Variants in MDM1 observed in about 807,000 individuals in gnomAD.
MDM1 encodes the protein stabilizer of axonemal microtubules 6.
MDM1 carries 61 observed loss-of-function variants against 89.1 expected under a neutral mutation model. That is an observed-to-expected ratio of 0.68 (90% CI 0.56 to 0.85). MDM1 has a LOEUF of 0.85. Ranked by LOEUF, MDM1 falls within the 40% of genes least tolerant of loss-of-function variation. The probability of loss-of-function intolerance (pLI) is 0.00; values close to 1 mark genes in which losing one functional copy is unlikely to be tolerated. For synonymous variants in MDM1, 290 were observed against 294.1 expected, an observed-to-expected ratio of 0.99 and a Z score of 0.14; for missense variants, 820 against 846.5, an observed-to-expected ratio of 0.97 and a Z score of 0.39.
chr12:68,298,190 G>C (rs925518220), intron 13 of MDM1, among the ~76,000 whole-genome samples: 2 of 152,150 alleles, frequency 1.3e-5, no homozygotes, highest in African/African-American at 4.8e-5. Context: ...ACCAGTGCCT[G>C]ACCTCAGCTA....
At chr12:68,314,911 T>C (rs1702110288) in intron 10 of MDM1, 37 bp downstream of exon 10, 1 of 1,516,172 alleles carries the variant, frequency 6.6e-7, no homozygotes, top group Non-Finnish European at 9.1e-7. Context: ...ACCATGTAAA[T>C]AACGCTTCTC....
chr12:68,320,725 G>C (rs1875111186), intron 7 of MDM1, among the ~76,000 whole-genome samples: 1 of 152,184 alleles, frequency 6.6e-6, no homozygotes, highest in Non-Finnish European at 1.5e-5. Context: ...AAAAAGTCAA[G>C]ATATGATTTG....
chr12:68,302,920 T>G, intron 12 of MDM1, 48 bp from the exon 13 acceptor site: 7 of 1,481,816 alleles, frequency 4.7e-6, no homozygotes, highest in Non-Finnish European at 6.3e-6. Flanking sequence ...TGTGTAGATA[T>G]GTAAATAAAT....
rs115744777 is a variant in MDM1, at chr12:68,317,855, A to C, written c.1006-1245T>G. Among the ~76,000 whole-genome samples the C allele has an allele frequency of 1.3e-3, 192 of 152,280 alleles. 2 individuals carry two copies. The highest frequency in any genetic ancestry group is 4.4e-3 in the African/African-American group (184 of 41,550). On this transcript the variant is annotated intron_variant, in intron 7 of 14. Transcript: ENST00000682720. ...GATTTTATTGCCAGTAAGTGCCCCC[A>C]TGCTTCAAATGTTTCAGGGCCACTC...
At chr12:68,331,339 C>A (rs1441615348) in intron 1 of MDM1, 118 bp from the exon 2 acceptor site, 1 of 696,376 alleles carries the variant, frequency 1.4e-6, no homozygotes, top group Non-Finnish European at 2.6e-6. Context: ...GAAAATTAAA[C>A]ACAGACGAGC....
intron 13 of MDM1, 133 bp downstream of exon 13, chr12:68,302,487 A>G: frequency 1.2e-6 from 1 of 851,932 alleles, no homozygotes; most frequent in Non-Finnish European, 1.7e-6. Flanking sequence ...TCCTATTTAA[A>G]GAAATTTTAT....
At chr12:68,331,469 C>T (rs1427934548) in intron 1 of MDM1, among the ~76,000 whole-genome samples, 4 of 152,178 alleles carry the variant, frequency 2.6e-5, no homozygotes, top group Non-Finnish European at 5.9e-5. Flanking sequence ...TCAGAGGTTA[C>T]CCTTTCACTG....
Position 68,314,962 on chromosome 12 carries a change from A to G in MDM1, c.1515T>C (p.Asp505=). ...AAAACTCTCACCCTTCTTTCATCTT[A>G]TCTGCCTTAGATTTCTCACGTACAT... is the stretch of plus-strand genomic sequence containing the variant. The part of the protein sequence containing the change: ...KLDVREKSKA[D]KMKEGSDSSV... The change falls in exon 10 of 15, where the codon GAT becomes GAC. Residue 505 remains aspartate, a synonymous_variant. Transcript: ENST00000682720. The G allele has an allele frequency of 6.2e-7, 1 of 1,613,480 alleles. No individual in the cohort carries two copies. Among genetic ancestry groups the G allele is most frequent in the Non-Finnish European group, 8.5e-7 (1 of 1,179,550 alleles).
intron 1 of MDM1, chr12:68,331,927 T>G: frequency 1.5e-6 from 1 of 669,018 alleles, no homozygotes. Flanking sequence ...GAAGTCGCCT[T>G]TAGTTCTCTT....
chr12:68,325,167 C>T, intron 4 of MDM1: 1 of 1,058,264 alleles, frequency 9.4e-7, no homozygotes, highest in Non-Finnish European at 1.1e-6. Flanking sequence ...CATGCAAAAA[C>T]TTACCAGTTC....
chr12:68,300,580 T>C (rs1349955535), intron 13 of MDM1, among the ~76,000 whole-genome samples: 2 of 152,146 alleles, frequency 1.3e-5, no homozygotes, highest in Admixed American at 6.5e-5. Context: ...CATATAACGA[T>C]AAAAAGGTCA....
chr12:68,302,705 C>CAACT lies in MDM1; in HGVS notation c.1913_1916dup (p.Pro640ValfsTer22). The CAACT allele has an allele frequency of 6.2e-7, 1 of 1,613,916 alleles. No homozygotes were observed. Among genetic ancestry groups the CAACT allele is most frequent in the South Asian group, 1.1e-5 (1 of 91,068 alleles). ...AGGATGGAACATGTGGTGGAGAAGG[C>CAACT]AACTGTCCAGGGGGATTTGTTGGGT... On this transcript the variant is annotated frameshift_variant, in exon 13 of 15. Transcript: ENST00000682720. LOFTEE classifies it high-confidence loss of function.
intron 13 of MDM1, among the ~76,000 whole-genome samples, chr12:68,297,623 A>G (rs554558736): frequency 6.6e-6 from 1 of 152,178 alleles, no homozygotes; most frequent in Non-Finnish European, 1.5e-5. Context: ...GTCCTCCTTT[A>G]AATTTGCACA....
At chr12:68,299,953 T>G (rs1871921027) in intron 13 of MDM1, among the ~76,000 whole-genome samples, 1 of 152,102 alleles carries the variant, frequency 6.6e-6, no homozygotes. Flanking sequence ...TCAGGTAACT[T>G]ACAAAAGAAA....
chr12:68,302,901 A>G, intron 12 of MDM1, 29 bp from the exon 13 acceptor site: 1 of 1,427,676 alleles, frequency 7.0e-7, no homozygotes, highest in Non-Finnish European at 9.5e-7. Context: ...AAAAAAAAAA[A>G]GATGCCTATG....
rs777063198 is a variant in MDM1, at chr12:68,295,213, T to C, written c.*41A>G. On this transcript the variant is annotated 3_prime_UTR_variant, in exon 15 of 15. Transcript: ENST00000682720. ...TAACACAGTAAGCAATAAAGAAAAA[T>C]TATGCCAATGTTTCCTTAGATAAAG... 1 of 1,352,484 alleles carries C rather than the reference T, an allele frequency of 7.4e-7. No homozygotes were observed. Among genetic ancestry groups the C allele is most frequent in the Non-Finnish European group, 1.0e-6 (1 of 971,630 alleles). 83.8% of individuals were successfully genotyped at this position (1,352,484 alleles called of 1,614,324 possible). A position where few individuals can be genotyped will look rare whatever the true frequency, so the allele number is the denominator to read the frequency against.
At position 68,326,773 on chromosome 12, in the gene MDM1, C is replaced by G. The variant is rs1876052102; in HGVS notation, c.382G>C (p.Ala128Pro). Residue 128 changes from alanine (A) to proline (P), a missense_variant, in exon 3 of 15, where the codon GCT becomes CCT. Coordinates refer to ENST00000682720, the MANE Select transcript of MDM1 (RefSeq NM_001354969.2). ...TTTTCCACATCTGAAGCCCCTTCAG[C>G]TCTGGAGTCTGCAGAGTGAGATCTG... ...RTRSHSADSRAEGASDVENNE... is the reference protein window; with the variant it reads ...RTRSHSADSRPEGASDVENNE... 2 of 1,613,980 alleles carry G rather than the reference C, an allele frequency of 1.2e-6. No homozygotes were observed. The highest frequency in any genetic ancestry group is 1.7e-6 in the Non-Finnish European group (2 of 1,179,994).
At position 68,326,754 on chromosome 12, in the gene MDM1, A is replaced by G. The variant is rs117673673; in HGVS notation, c.401T>C (p.Val134Ala). Residue 134 changes from valine to alanine, a missense_variant, in exon 3 of 15, where the codon GTG (valine) becomes GCG (alanine). By Grantham distance (64) the Val-to-Ala change is moderately conservative. Coordinates refer to ENST00000682720, the MANE Select transcript of MDM1 (RefSeq NM_001354969.2). ...ADSRAEGASD[V>A]ENNEGVTNHT... ...GTTTGTTACACCCTCATTATTTTCCACATCTGAAGCCCCTTCAGCTCTGGA... is the reference window on the plus strand; with the variant it reads ...GTTTGTTACACCCTCATTATTTTCCGCATCTGAAGCCCCTTCAGCTCTGGA... The G allele has an allele frequency of 0.014, 21,882 of 1,614,092 alleles. 411 individuals are homozygous for G. Among genetic ancestry groups the G allele is most frequent in the South Asian group, 0.066 (5,993 of 91,072 alleles).
intron 4 of MDM1, 165 bp from the exon 5 acceptor site, chr12:68,323,405 A>G (rs1875506488): frequency 1.9e-6 from 1 of 535,316 alleles, no homozygotes; most frequent in Admixed American, 3.9e-5. Context: ...CCAAAGGTCA[A>G]CTTTATGTAC....
Sources: allele counts gnomAD v4.1 joint callset (sites outside exome capture counted in the v4.1 genomes callset), GRCh38; gene constraint gnomAD v4.1.1; transcripts MANE v1.5; gene names NCBI Gene and HGNC (gene_info 2026-07-23, HGNC 2026-07-21).